The following SELENOK variants were observed in gnomAD, a reference collection of about 807,000 sequenced individuals.
SELENOK encodes selenoprotein K.
A neutral mutation model predicts 17.3 loss-of-function variants in SELENOK; 11 were observed. The ratio of observed to expected loss-of-function variants is 0.63; its 90% confidence interval spans 0.40 to 1.05. The LOEUF (loss-of-function observed/expected upper bound fraction) is 1.05, where lower values mean the gene tolerates loss of function less well. SELENOK is among the 50% of genes least tolerant of loss of function. The pLI is 0.00. For synonymous variants in SELENOK, 45 were observed against 35.4 expected (o/e 1.27, Z -0.97); for missense variants, 125 against 113.9 (o/e 1.10, Z -0.44).
chr3:53,889,067 C>A (rs1292908471), intron 1 of SELENOK, among the ~76,000 whole-genome samples: 1 of 151,572 alleles, frequency 6.6e-6, no homozygotes. Flanking sequence ...CAAAAAACAA[C>A]AAAAAAACAC....
At chr3:53,891,654 G>A (rs1700169902) in intron 1 of SELENOK, 116 bp downstream of exon 1, 1 of 1,378,956 alleles carries the variant, frequency 7.3e-7, no homozygotes, top group Non-Finnish European at 1.0e-6. Flanking sequence ...CCGGCCGCGG[G>A]GCGCTAAGCC....
Position 53,888,140 on chromosome 3 carries a change from T to G in SELENOK, c.110+253A>C, listed in dbSNP as rs1041758158. The G allele has an allele frequency of 5.9e-5, 19 of 324,088 alleles. No homozygotes were observed. In the Admixed American group the frequency reaches 9.0e-4, roughly 15 times the overall value. The allele number at this position is 324,088 out of a possible 1,614,324, so 20.1% of individuals were successfully genotyped here. On this transcript the variant is annotated intron_variant, in intron 2 of 4. Coordinates refer to ENST00000495461, the MANE Select transcript of SELENOK (RefSeq NM_021237.5). ...CAGAATTGACGGACCCAGCCATAGG[T>G]TGAAGTAGTTACCACCAAGGTTAAG...
Position 53,884,760 on chromosome 3 carries a change from C to T in SELENOK, c.*798G>A, listed in dbSNP as rs951117629. The T allele has an allele frequency of 6.6e-6, 1 of 152,282 alleles. No individual in the cohort carries two copies. 9.4% of individuals were successfully genotyped at this position (152,282 alleles called of 1,614,324 possible). ...GGTTGAAGCGATTCTCCTGCCTCCG[C>T]CTCCTGAGTAGCAGGGATTACAGGT... On this transcript the variant is annotated 3_prime_UTR_variant, in exon 5 of 5. Transcript: ENST00000495461.
At chr3:53,886,615 C>T (rs1230863657) in intron 3 of SELENOK, among the ~76,000 whole-genome samples, 5 of 152,188 alleles carry the variant, frequency 3.3e-5, no homozygotes, top group Admixed American at 3.3e-4. Flanking sequence ...CATCAGTTTT[C>T]ACCCTCTAAT....
chr3:53,885,973 T>C, intron 3 of SELENOK, 61 bp from the exon 4 acceptor site: 3 of 1,132,166 alleles, frequency 2.6e-6, no homozygotes, highest in South Asian at 1.7e-5. Flanking sequence ...TGTCTCCTTT[T>C]AAAAGCACTC....
chr3:53,890,706 T>C (rs576551142), intron 1 of SELENOK, among the ~76,000 whole-genome samples: 6 of 152,356 alleles, frequency 3.9e-5, no homozygotes, highest in Admixed American at 1.3e-4. Flanking sequence ...TTTGATGCTT[T>C]TCTGTAGTGT....
intron 1 of SELENOK, among the ~76,000 whole-genome samples, chr3:53,891,532 G>A (rs1700168942): frequency 6.6e-6 from 1 of 152,190 alleles, no homozygotes; most frequent in Non-Finnish European, 1.5e-5. Context: ...AGGCGGGGTT[G>A]CAGGGCTCCC....
Position 53,888,390 on chromosome 3 carries a change from T to C in SELENOK, c.110+3A>G. 6.2e-7 allele frequency: 1 copy of C among 1,601,172 alleles called. No individual in the cohort carries two copies. Among genetic ancestry groups the C allele is most frequent in the Non-Finnish European group, 8.6e-7 (1 of 1,168,876 alleles). ...GGGCAATTAAGAGCTCTTCTATACT[T>C]ACAACAAAACCACAAACTCAGCTAT... On this transcript the variant is annotated splice_donor_region_variant and intron_variant, in intron 2 of 4. Coordinates refer to ENST00000495461, the MANE Select transcript of SELENOK (RefSeq NM_021237.5).
Position 53,888,464 on chromosome 3 carries a change from C to T in SELENOK, c.39G>A (p.Arg13=). 1 of 1,611,150 alleles carries T rather than the reference C, an allele frequency of 6.2e-7. No individual in the cohort carries two copies. The highest frequency in any genetic ancestry group is 2.2e-5 in the East Asian group (1 of 44,862). ...AAGATAATCTCCATGGAGACTGACT[C>T]CGGCTGTCCAACACTTGTCCTACAG... ...YISNGQVLDS[R]SQSPWRLSLI... The change falls in exon 2 of 5, where the codon CGG becomes CGA. Residue 13 remains arginine, a synonymous_variant. Coordinates refer to ENST00000495461, the MANE Select transcript of SELENOK (RefSeq NM_021237.5).
At chr3:53,885,956 C>G in intron 3 of SELENOK, 44 bp from the exon 4 acceptor site, 1 of 1,277,100 alleles carries the variant, frequency 7.8e-7, no homozygotes, top group Non-Finnish European at 1.1e-6. Context: ...ATAGACACAA[C>G]TTGAATTGTC....
chr3:53,891,625 G>T, intron 1 of SELENOK, 145 bp downstream of exon 1: 1 of 1,028,370 alleles, frequency 9.7e-7, no homozygotes, highest in South Asian at 1.4e-5. Flanking sequence ...AAGCCGAGGC[G>T]ACTTCGGTCC....
At chr3:53,890,380 C>A (rs1700159100) in intron 1 of SELENOK, among the ~76,000 whole-genome samples, 1 of 152,206 alleles carries the variant, frequency 6.6e-6, no homozygotes, top group Admixed American at 6.5e-5. Flanking sequence ...CCTGTCATTT[C>A]TTCCTCTGTG....
rs377278075 is a variant in SELENOK at position 53,885,471 on chromosome 3, G to C, written c.*87C>G. On this transcript the variant is annotated 3_prime_UTR_variant, in exon 5 of 5. Transcript: ENST00000495461. ...GTTTAGACATACACATTCATCTACT[G>C]CTCATCATGGTCAGCCTTCCACTTC... is the stretch of plus-strand genomic sequence containing the variant. The C allele has an allele frequency of 1.5e-4, 190 of 1,284,904 alleles. 1 individual carries two copies. The African/African-American group carries it at 2.5e-3, about 17-fold the overall frequency. 79.6% of individuals were successfully genotyped at this position (1,284,904 alleles called of 1,614,324 possible).
intron 3 of SELENOK, 75 bp downstream of exon 3, chr3:53,886,770 GTCTAAC>G (rs751914547): frequency 3.6e-5 from 29 of 811,762 alleles, no homozygotes; most frequent in Non-Finnish European, 4.2e-5. Flanking sequence ...ATTTCCAAAA[GTCTAAC>G]TCTATCTACC....
intron 3 of SELENOK, among the ~76,000 whole-genome samples, 162 bp downstream of exon 3, chr3:53,886,689 C>A (rs112509062): frequency 0.017 from 2,645 of 152,252 alleles, 68 homozygotes; most frequent in African/African-American, 0.06. Flanking sequence ...TGATTATTAT[C>A]AAATCAGAAG....
At chr3:53,891,088 G>A (rs547101575) in intron 1 of SELENOK, 1 of 152,326 alleles carries the variant, frequency 6.6e-6, no homozygotes, top group South Asian at 2.1e-4. Context: ...TTCTTCCCAT[G>A]CCCCTTGAAA....
chr3:53,890,215 C>T (rs1700157456), intron 1 of SELENOK, among the ~76,000 whole-genome samples: 1 of 152,138 alleles, frequency 6.6e-6, no homozygotes, highest in Non-Finnish European at 1.5e-5. Flanking sequence ...AGCTCTGCTT[C>T]GTTGGCTGAT....
chr3:53,888,302 G>A, intron 2 of SELENOK, 91 bp downstream of exon 2: 1 of 812,410 alleles, frequency 1.2e-6, no homozygotes. Flanking sequence ...TTTCAGGAAA[G>A]TTGAGCTTAT....
chr3:53,884,727 G>C lies in SELENOK; in HGVS notation c.*831C>G, dbSNP rs535911612. Reference sequence around the variant, plus strand: ...CAGTGGCATGCTCACAGCAACCTCCGCCTCCCGGGTTGAAGCGATTCTCCT... The same window carrying C: ...CAGTGGCATGCTCACAGCAACCTCCCCCTCCCGGGTTGAAGCGATTCTCCT... On this transcript the variant is annotated 3_prime_UTR_variant, in exon 5 of 5. Coordinates refer to ENST00000495461, the MANE Select transcript of SELENOK (RefSeq NM_021237.5). 1 of 152,266 alleles carries C rather than the reference G, an allele frequency of 6.6e-6. No homozygotes were observed. Among genetic ancestry groups the C allele is most frequent in the African/African-American group, 2.4e-5 (1 of 41,444 alleles). 9.4% of individuals were successfully genotyped at this position (152,266 alleles called of 1,614,324 possible).
Sources: gnomAD v4.1 joint callset for allele counts (sites outside exome capture counted in the v4.1 genomes callset) on GRCh38, gnomAD v4.1.1 for gene constraint, MANE v1.5 for transcripts, NCBI Gene and HGNC (gene_info 2026-07-23, HGNC 2026-07-21) for gene names.